SRGAP1: variants seen among roughly 807,000 people sequenced by gnomAD.
SRGAP1 encodes the protein SLIT-ROBO Rho GTPase-activating protein 1.
Under a neutral mutation model 121.9 loss-of-function variants are expected in SRGAP1, and 43 were observed. The observed-to-expected ratio is 0.35, with a 90% CI of 0.28 to 0.46. The LOEUF (loss-of-function observed/expected upper bound fraction) is 0.46. Among genes scored for constraint, SRGAP1 ranks in the 20% least tolerant of loss-of-function variants. The probability of loss-of-function intolerance (pLI) is 1.00; values close to 1 mark genes in which losing one functional copy is unlikely to be tolerated. For missense variants in SRGAP1, 1,102 were observed against 1,350.9 expected (o/e 0.82, Z 2.89); for synonymous variants, 447 against 485.4 (o/e 0.92, Z 1.04).
chr12:64,060,836 A>G (rs1027792563), intron 6 of SRGAP1, among the ~76,000 whole-genome samples: 3 of 152,266 alleles, frequency 2.0e-5, no homozygotes, highest in African/African-American at 4.8e-5. Flanking sequence ...CGGACAGCTT[A>G]TGTTCAAATT....
chr12:63,861,333 T>C (rs1207577079), intron 1 of SRGAP1, among the ~76,000 whole-genome samples: 1 of 149,506 alleles, frequency 6.7e-6, no homozygotes, highest in Non-Finnish European at 1.5e-5. Flanking sequence ...AAAGTCTTGC[T>C]CTGTTGCCCA....
At position 64,007,680 on chromosome 12, in the gene SRGAP1, A is replaced by G. The variant is rs80153730; in HGVS notation, c.427-9270A>G. On this transcript the variant is annotated intron_variant, in intron 3 of 21. Transcript: ENST00000355086. The stretch of plus-strand genomic sequence containing the variant: ...AAGATGGTATCAGCATACCTACTCT[A>G]TAAGGCTACAGGAGTTAAGACCAAT... Among the ~76,000 whole-genome samples the G allele has an allele frequency of 3.9e-3, 588 of 152,314 alleles. 5 individuals carry two copies. Among genetic ancestry groups the G allele is most frequent in the Middle Eastern group, 6.8e-3 (2 of 294 alleles).
chr12:64,075,685 A>T (rs1476609148), intron 8 of SRGAP1, among the ~76,000 whole-genome samples: 1 of 152,180 alleles, frequency 6.6e-6, no homozygotes, highest in Non-Finnish European at 1.5e-5. Flanking sequence ...AATTCAGTCT[A>T]TAGATATTTG....
At chr12:63,930,693 C>A (rs776770695) in intron 1 of SRGAP1, among the ~76,000 whole-genome samples, 2 of 151,264 alleles carry the variant, frequency 1.3e-5, no homozygotes, top group Non-Finnish European at 2.9e-5. Flanking sequence ...TTTTGGGGAG[C>A]GAGTGAGTGA....
intron 1 of SRGAP1, among the ~76,000 whole-genome samples, chr12:63,972,077 G>A (rs1015054518): frequency 6.6e-6 from 1 of 152,142 alleles, no homozygotes; most frequent in African/African-American, 2.4e-5. Flanking sequence ...TAGAAAGCTG[G>A]GCATCATGGC....
chr12:63,994,963 C>T (rs971345927), intron 3 of SRGAP1, among the ~76,000 whole-genome samples: 12 of 152,240 alleles, frequency 7.9e-5, no homozygotes, highest in African/African-American at 2.9e-4. Context: ...TCATCTGTCA[C>T]AGTTGCAGGA....
chr12:63,959,219 A>G (rs1202802656), intron 1 of SRGAP1, among the ~76,000 whole-genome samples: 2 of 152,166 alleles, frequency 1.3e-5, no homozygotes, highest in African/African-American at 4.8e-5. Flanking sequence ...TTTCCAGAGA[A>G]ACACATATCT....
At chr12:63,872,462 A>G (rs1413805403) in intron 1 of SRGAP1, among the ~76,000 whole-genome samples, 1 of 152,212 alleles carries the variant, frequency 6.6e-6, no homozygotes, top group Non-Finnish European at 1.5e-5. Flanking sequence ...TGTTAGGGAA[A>G]ATAGGATTTT....
chr12:64,038,041 AGGCTGTCTG>A (rs1387170838), intron 4 of SRGAP1, among the ~76,000 whole-genome samples: 21 of 152,336 alleles, frequency 1.4e-4, no homozygotes, highest in Admixed American at 3.9e-4. Flanking sequence ...ATCTGAAGCC[AGGCTGTCTG>A]GGTTCCCACC....
intron 1 of SRGAP1, among the ~76,000 whole-genome samples, chr12:63,889,982 C>G (rs1427917173): frequency 6.6e-6 from 1 of 151,910 alleles, no homozygotes. Flanking sequence ...CATTCATTTG[C>G]TTTATCTGTT....
intron 6 of SRGAP1, among the ~76,000 whole-genome samples, chr12:64,048,657 G>A (rs911904723): frequency 3.9e-5 from 6 of 151,950 alleles, no homozygotes; most frequent in Non-Finnish European, 5.9e-5. Context: ...CATCCTTACC[G>A]GCTTTAGTTC....
chr12:63,844,732 G>A lies in SRGAP1; in HGVS notation c.-85G>A. On this transcript the variant is annotated 5_prime_UTR_variant, in exon 1 of 22. Coordinates refer to ENST00000355086, the MANE Select transcript of SRGAP1 (RefSeq NM_020762.4). This position sits in a 1 kb window ranked among gnomAD's most constrained non-coding sequence, Gnocchi z 4.3. ...GCCTCTGGATTGCCTGCGTGTGGGA[G>A]TACAACTCTGCCTCTCCAAGGAGAA... The A allele has an allele frequency of 2.9e-6, 4 of 1,374,652 alleles. No homozygotes were observed. Among genetic ancestry groups the A allele is most frequent in the Non-Finnish European group, 3.1e-6 (3 of 961,506 alleles). The allele number at this position is 1,374,652 out of a possible 1,614,324, so 85.2% of individuals were successfully genotyped here. A position where few individuals can be genotyped will look rare whatever the true frequency, so the allele number is the denominator to read the frequency against.
chr12:64,094,330 A>G (rs958564843), intron 12 of SRGAP1, among the ~76,000 whole-genome samples: 8 of 152,072 alleles, frequency 5.3e-5, no homozygotes, highest in Non-Finnish European at 1.2e-4. Context: ...GTTCCTTTCT[A>G]AAAAAACAAA....
chr12:64,100,134 G>A (rs2036230317), intron 15 of SRGAP1, among the ~76,000 whole-genome samples: 2 of 152,180 alleles, frequency 1.3e-5, no homozygotes, highest in Non-Finnish European at 2.9e-5. Context: ...AGTGTTGCAA[G>A]CTGTCATCAT....
chr12:64,113,048 G>A (rs2136617908), intron 17 of SRGAP1, among the ~76,000 whole-genome samples: 1 of 152,050 alleles, frequency 6.6e-6, no homozygotes, highest in African/African-American at 2.4e-5. Flanking sequence ...TAAGGCTGCA[G>A]TGAGCTCTGA....
chr12:64,157,794 A>G lies in SRGAP1; in HGVS notation c.*15122A>G, dbSNP rs956594367. 3.3e-5 allele frequency: 5 copies of G among 151,890 alleles called. No homozygotes were observed. Among genetic ancestry groups the G allele is most frequent in the African/African-American group, 1.2e-4 (5 of 41,374 alleles). The allele number at this position is 151,890 out of a possible 1,614,324, so 9.4% of individuals were successfully genotyped here. A position where few individuals can be genotyped will look rare whatever the true frequency, so the allele number is the denominator to read the frequency against. On this transcript the variant is annotated 3_prime_UTR_variant, in exon 22 of 22. Coordinates refer to ENST00000355086, the MANE Select transcript of SRGAP1 (RefSeq NM_020762.4). The stretch of plus-strand genomic sequence containing the variant: ...AGAGATAACTGATGCTAGCTGCTGT[A>G]ACAAACAACCCCCCAAACTCAGTAA...
chr12:63,862,372 G>A (rs1439279300), intron 1 of SRGAP1, among the ~76,000 whole-genome samples: 2 of 152,054 alleles, frequency 1.3e-5, no homozygotes, highest in African/African-American at 4.8e-5. Context: ...CACAAGACGA[G>A]CATTTACAAA....
intron 10 of SRGAP1, among the ~76,000 whole-genome samples, chr12:64,085,518 C>G (rs912158574): frequency 1.3e-5 from 2 of 152,112 alleles, no homozygotes; most frequent in African/African-American, 4.8e-5. Flanking sequence ...GGTGGTGACT[C>G]TCACATCTTT....
intron 1 of SRGAP1, among the ~76,000 whole-genome samples, chr12:63,977,640 T>TAGCC (rs1565978578): frequency 5.9e-5 from 9 of 151,568 alleles, no homozygotes; most frequent in Admixed American, 2.6e-4. Flanking sequence ...TGGCAAGTAT[T>TAGCC]AGCAGATTTT....
Sources: allele counts gnomAD v4.1 joint callset (sites outside exome capture counted in the v4.1 genomes callset), GRCh38; gene constraint gnomAD v4.1.1; non-coding constraint Gnocchi (gnomAD v3.1); transcripts MANE v1.5; gene names NCBI Gene and HGNC (gene_info 2026-07-23, HGNC 2026-07-21).